Variants in ENOX1 observed in about 807,000 individuals in gnomAD.
ENOX1 encodes the protein candidate growth-related and time keeping constitutive hydroquinone (NADH) oxidase.
ENOX1 carries 42 observed loss-of-function variants against 82.5 expected under a neutral mutation model. The observed-to-expected ratio is 0.51, with a 90% CI of 0.40 to 0.66. The LOEUF is 0.66. ENOX1 is among the 30% of genes least tolerant of loss of function. The pLI, the probability that ENOX1 is intolerant of heterozygous loss-of-function variation, is 0.00. For synonymous variants in ENOX1, 271 were observed against 282.2 expected, an observed-to-expected ratio of 0.96 and a Z score of 0.40; for missense variants, 608 against 811.6, an observed-to-expected ratio of 0.75 and a Z score of 3.05.
chr13:43,392,286 A>T (rs576299612), intron 5 of ENOX1, among the ~76,000 whole-genome samples: 3 of 152,350 alleles, frequency 2.0e-5, no homozygotes, highest in Admixed American at 2.0e-4. Flanking sequence ...CAATCAGAAT[A>T]TGAGCTCCAT....
At chr13:43,270,510 C>A (rs969883820) in intron 12 of ENOX1, among the ~76,000 whole-genome samples, 1 of 152,174 alleles carries the variant, frequency 6.6e-6, no homozygotes, top group Non-Finnish European at 1.5e-5. Flanking sequence ...TCTTCAGGGC[C>A]TTGACAAGCT....
chr13:43,688,210 G>A (rs2086174207), intron 1 of ENOX1, among the ~76,000 whole-genome samples: 1 of 152,004 alleles, frequency 6.6e-6, no homozygotes, highest in African/African-American at 2.4e-5. Context: ...GAGGTTAACT[G>A]CAACAAGTAG....
intron 1 of ENOX1, among the ~76,000 whole-genome samples, chr13:43,782,972 C>A (rs992067211): frequency 6.6e-6 from 1 of 152,130 alleles, no homozygotes; most frequent in African/African-American, 2.4e-5. Context: ...GACACAGGCA[C>A]CCCACAAACC....
At chr13:43,472,562 CAATA>C (rs1179604698) in intron 3 of ENOX1, among the ~76,000 whole-genome samples, 3 of 152,096 alleles carry the variant, frequency 2.0e-5, no homozygotes, top group Non-Finnish European at 4.4e-5. Context: ...GATGCCACAG[CAATA>C]AATAGAGTAG....
chr13:43,717,304 T>C (rs1427457757), intron 1 of ENOX1, among the ~76,000 whole-genome samples: 1 of 152,172 alleles, frequency 6.6e-6, no homozygotes, highest in Non-Finnish European at 1.5e-5. Flanking sequence ...GGACTTCCTG[T>C]TCAATAAATG....
chr13:43,637,838 C>T (rs567605034), intron 2 of ENOX1, among the ~76,000 whole-genome samples: 1 of 152,246 alleles, frequency 6.6e-6, no homozygotes, highest in Admixed American at 6.5e-5. Context: ...TCACCTTCAC[C>T]CTGCCAGGAT....
intron 1 of ENOX1, among the ~76,000 whole-genome samples, chr13:43,674,944 G>A (rs2085437198): frequency 6.6e-6 from 1 of 152,156 alleles, no homozygotes; most frequent in Non-Finnish European, 1.5e-5. Context: ...AAAAGAATGT[G>A]GTGAGCTGAA....
intron 2 of ENOX1, among the ~76,000 whole-genome samples, chr13:43,637,512 C>T (rs1001330106): frequency 1.4e-5 from 2 of 141,900 alleles, no homozygotes; most frequent in Admixed American, 1.4e-4. Flanking sequence ...ATCTGCAGCT[C>T]ATAAACATCC....
chr13:43,375,667 A>G (rs2051580577), intron 5 of ENOX1, among the ~76,000 whole-genome samples: 2 of 152,210 alleles, frequency 1.3e-5, no homozygotes, highest in African/African-American at 4.8e-5. Context: ...GGACTTCCTC[A>G]GTGAAAGTAT....
chr13:43,365,119 T>C (rs1378374823), intron 5 of ENOX1, among the ~76,000 whole-genome samples: 2 of 152,174 alleles, frequency 1.3e-5, no homozygotes. Flanking sequence ...CCTCACTTCT[T>C]CTCTCTTTGT....
chr13:43,416,742 G>A (rs1251811227), intron 3 of ENOX1, among the ~76,000 whole-genome samples: 2 of 151,670 alleles, frequency 1.3e-5, no homozygotes, highest in African/African-American at 2.4e-5. Context: ...CGGCCGGGCA[G>A]AGGGGCTCCT....
intron 12 of ENOX1, among the ~76,000 whole-genome samples, chr13:43,285,201 T>C (rs1382262070): frequency 2.0e-5 from 3 of 152,210 alleles, no homozygotes; most frequent in African/African-American, 7.2e-5. Flanking sequence ...TGGAACTGAA[T>C]TCCCAATTCC....
chr13:43,645,316 G>A (rs532508821), intron 2 of ENOX1, among the ~76,000 whole-genome samples: 114 of 152,026 alleles, frequency 7.5e-4, no homozygotes, highest in African/African-American at 2.2e-3. Flanking sequence ...TGCATGCCAC[G>A]ATGTCCAGTT....
chr13:43,779,014 A>G (rs1437824711), intron 1 of ENOX1, among the ~76,000 whole-genome samples: 2 of 152,024 alleles, frequency 1.3e-5, no homozygotes, highest in Non-Finnish European at 2.9e-5. Context: ...TGATTGTCTG[A>G]GCAGTGCCAC....
At chr13:43,339,323 G>C (rs1207122754) in intron 9 of ENOX1, among the ~76,000 whole-genome samples, 5 of 152,166 alleles carry the variant, frequency 3.3e-5, no homozygotes, top group Admixed American at 3.3e-4. Flanking sequence ...CTTTCCAAAT[G>C]AAAGCAAGAA....
chr13:43,219,660 G>A (rs1409622519), intron 16 of ENOX1, among the ~76,000 whole-genome samples: 1 of 152,218 alleles, frequency 6.6e-6, no homozygotes, highest in Non-Finnish European at 1.5e-5. Context: ...TGTTGATACC[G>A]CAGAGGTCAT....
intron 9 of ENOX1, among the ~76,000 whole-genome samples, chr13:43,335,009 A>T (rs1215817476): frequency 6.6e-6 from 1 of 152,206 alleles, no homozygotes; most frequent in South Asian, 2.1e-4. Flanking sequence ...TGACCTGAAG[A>T]AAGTGTCCAT....
Position 43,513,963 on chromosome 13 carries a change from T to A in ENOX1, c.-218-29811A>T, listed in dbSNP as rs537851064. On this transcript the variant is annotated intron_variant, in intron 2 of 16. Coordinates refer to ENST00000690772, the MANE Select transcript of ENOX1 (RefSeq NM_001347969.2). ...ATATTTAACAGTGAAATGTATATAT[T>A]AATGCAATGTTTGTTTATGTTCAGG... Among the ~76,000 whole-genome samples the A allele has an allele frequency of 2.2e-4, 33 of 152,284 alleles. 3 individuals carry two copies. The highest frequency in any genetic ancestry group is 7.5e-4 in the African/African-American group (31 of 41,580).
chr13:43,765,255 A>T (rs1951200719), intron 1 of ENOX1, among the ~76,000 whole-genome samples: 1 of 152,226 alleles, frequency 6.6e-6, no homozygotes, highest in Non-Finnish European at 1.5e-5. Context: ...GGGAAGCAGA[A>T]AACCCTGTAC....
Sources: allele counts gnomAD v4.1 joint callset (sites outside exome capture counted in the v4.1 genomes callset), GRCh38; gene constraint gnomAD v4.1.1; transcripts MANE v1.5; gene names NCBI Gene and HGNC (gene_info 2026-07-23, HGNC 2026-07-21).